KIAA0825: variants seen among roughly 807,000 people sequenced by gnomAD.
KIAA0825 encodes KIAA0825, also known as uncharacterized protein KIAA0825.
KIAA0825 carries 119 observed loss-of-function variants against 147.6 expected under a neutral mutation model. The ratio of observed to expected loss-of-function variants is 0.81; its 90% CI spans 0.69 to 0.94. The LOEUF (loss-of-function observed/expected upper bound fraction) is 0.94, where lower values mean the gene tolerates loss of function less well. KIAA0825 is among the 40% of genes least tolerant of loss of function. The pLI, the probability that KIAA0825 is intolerant of heterozygous loss-of-function variation, is 0.00. For synonymous variants in KIAA0825, 470 were observed against 518.1 expected (o/e 0.91, Z 1.26); for missense variants, 1,381 against 1,472.7 (o/e 0.94, Z 1.02).
intron 5 of KIAA0825, among the ~76,000 whole-genome samples, chr5:94,507,861 A>C (rs556698472): frequency 2.0e-5 from 3 of 152,330 alleles, no homozygotes; most frequent in African/African-American, 7.2e-5. Context: ...ATTTTGAAGT[A>C]AATTTCCAAA....
chr5:94,466,866 T>G (rs184419167), intron 10 of KIAA0825, among the ~76,000 whole-genome samples: 42 of 152,270 alleles, frequency 2.8e-4, no homozygotes, highest in Non-Finnish European at 1.5e-5. Flanking sequence ...AGAAAGGAGT[T>G]TTAACGCTTG....
chr5:94,280,045 C>A (rs774592699), intron 20 of KIAA0825, among the ~76,000 whole-genome samples: 1 of 152,030 alleles, frequency 6.6e-6, no homozygotes, highest in Non-Finnish European at 1.5e-5. Context: ...CAGCCACACT[C>A]GGTGGCCTGG....
At chr5:94,473,617 T>C (rs1409054110) in intron 7 of KIAA0825, 98 bp from the exon 8 acceptor site, 9 of 792,742 alleles carry the variant, frequency 1.1e-5, no homozygotes, top group Non-Finnish European at 1.8e-5. Flanking sequence ...TTCAACATGT[T>C]GAATATATTC....
chr5:94,492,016 A>C (rs1763791766), intron 5 of KIAA0825, among the ~76,000 whole-genome samples: 1 of 152,232 alleles, frequency 6.6e-6, no homozygotes, highest in African/African-American at 2.4e-5. Context: ...ACTATTAAGG[A>C]AACTGAGCCT....
intron 20 of KIAA0825, among the ~76,000 whole-genome samples, chr5:94,157,696 C>T (rs893349358): frequency 1.3e-5 from 2 of 152,100 alleles, no homozygotes; most frequent in Non-Finnish European, 2.9e-5. Flanking sequence ...TTTTGCTCAC[C>T]GACAATGAGA....
intron 20 of KIAA0825, among the ~76,000 whole-genome samples, chr5:94,346,174 C>T (rs1782965540): frequency 6.6e-6 from 1 of 152,024 alleles, no homozygotes; most frequent in African/African-American, 2.4e-5. Flanking sequence ...TGGTCTCCTC[C>T]CTTACTATCA....
intron 20 of KIAA0825, among the ~76,000 whole-genome samples, chr5:94,374,738 C>T (rs1332680889): frequency 2.6e-5 from 4 of 152,206 alleles, no homozygotes; most frequent in Admixed American, 6.5e-5. Context: ...AATCCTCCTT[C>T]GCCCTCACCT....
chr5:94,520,867 T>C lies in KIAA0825; in HGVS notation c.351A>G (p.Leu117=), dbSNP rs1395684642. ...TGCTGTGGCAGGAGAGGTCCCAAAG[T>C]AAATCCAATGTCATTTCTTCTTGAT... ...EQNQEEMTLD[L]LWDLSCHSSV... is the part of the protein sequence containing the mutation. Residue 117 remains leucine, a synonymous_variant, in exon 5 of 21, where the codon TTA becomes TTG. Coordinates refer to ENST00000682413, the MANE Select transcript of KIAA0825 (RefSeq NM_001145678.3). 1 of 1,610,910 alleles carries C rather than the reference T, an allele frequency of 6.2e-7. No individual in the cohort carries two copies. Among genetic ancestry groups the C allele is most frequent in the South Asian group, 1.1e-5 (1 of 90,846 alleles).
chr5:94,371,489 AG>A (rs1263127326), intron 20 of KIAA0825, among the ~76,000 whole-genome samples: 2 of 152,196 alleles, frequency 1.3e-5, no homozygotes, highest in Non-Finnish European at 2.9e-5. Context: ...TCATGATGGA[AG>A]GGGAAGCAAA....
At chr5:94,387,187 G>A (rs1471664618) in intron 18 of KIAA0825, among the ~76,000 whole-genome samples, 1 of 152,128 alleles carries the variant, frequency 6.6e-6, no homozygotes. Flanking sequence ...AAATGTTCTT[G>A]TGATGTTTCA....
At chr5:94,505,802 C>T (rs2151138809) in intron 5 of KIAA0825, among the ~76,000 whole-genome samples, 1 of 152,156 alleles carries the variant, frequency 6.6e-6, no homozygotes, top group Admixed American at 6.5e-5. Context: ...AATTTTTTTA[C>T]AAGATTTCAA....
At chr5:94,309,974 T>G (rs1431018092) in intron 20 of KIAA0825, among the ~76,000 whole-genome samples, 2 of 151,756 alleles carry the variant, frequency 1.3e-5, no homozygotes, top group East Asian at 3.9e-4. Flanking sequence ...TCTTCCCATA[T>G]TTTAACTCAC....
intron 20 of KIAA0825, among the ~76,000 whole-genome samples, chr5:94,287,996 C>G (rs1435188705): frequency 6.6e-6 from 1 of 152,084 alleles, no homozygotes; most frequent in Non-Finnish European, 1.5e-5. Context: ...TCAACTTTAA[C>G]CAAAATTCCA....
intron 5 of KIAA0825, among the ~76,000 whole-genome samples, chr5:94,509,367 T>C (rs577159831): frequency 6.6e-6 from 1 of 152,344 alleles, no homozygotes; most frequent in South Asian, 2.1e-4. Context: ...CTAAATTTCC[T>C]ATTTAGTAGC....
Position 94,471,501 on chromosome 5 carries a change from C to T in KIAA0825, c.1686G>A (p.Lys562=). The T allele has an allele frequency of 6.4e-7, 1 of 1,552,072 alleles. No individual in the cohort carries two copies. The highest frequency in any genetic ancestry group is 8.7e-7 in the Non-Finnish European group (1 of 1,147,066). Residue 562 remains lysine, a synonymous_variant, in exon 9 of 21, where the codon AAG becomes AAA. Transcript: ENST00000682413. ...TTTCCTTCATCAAATTATCATATCG[C>T]TTGAAATGCTGGAAGACATACACCG... is the stretch of plus-strand genomic sequence containing the variant. ...STAVYVFQHF[K]RYDNLMKEMT...
chr5:94,493,439 C>G (rs1020317111), intron 5 of KIAA0825, among the ~76,000 whole-genome samples: 2 of 152,104 alleles, frequency 1.3e-5, no homozygotes, highest in Non-Finnish European at 2.9e-5. Context: ...ACATGACAAC[C>G]AAAATATGTA....
intron 20 of KIAA0825, among the ~76,000 whole-genome samples, chr5:94,263,101 G>A (rs1583983354): frequency 6.6e-6 from 1 of 152,066 alleles, no homozygotes; most frequent in Admixed American, 6.6e-5. Context: ...GGGTGGTTTT[G>A]TTAGGTTCTA....
At chr5:94,469,883 T>C (rs1761008332) in intron 10 of KIAA0825, 78 bp downstream of exon 10, 3 of 1,200,470 alleles carry the variant, frequency 2.5e-6, no homozygotes, top group Non-Finnish European at 3.4e-6. Context: ...CAAGCTCATG[T>C]TTCTAATTAG....
rs187726177 is a variant in KIAA0825 at position 94,542,320 on chromosome 5, T to C, written c.-1-5193A>G. On this transcript the variant is annotated intron_variant, in intron 2 of 20. Transcript: ENST00000682413. ...TTGGCTTAAAATGTTGCTGATCTTT[T>C]GTTTTGTTTTTCAGAATCAAGAAAA... is the stretch of plus-strand genomic sequence containing the variant. 2.1e-3 allele frequency among the ~76,000 whole-genome samples: 316 copies of C among 152,336 alleles called. 1 individual carries two copies. The highest frequency in any genetic ancestry group is 7.4e-3 in the African/African-American group (307 of 41,576).
Sources: allele counts gnomAD v4.1 joint callset (sites outside exome capture counted in the v4.1 genomes callset), GRCh38; gene constraint gnomAD v4.1.1; transcripts MANE v1.5; gene names NCBI Gene and HGNC (gene_info 2026-07-23, HGNC 2026-07-21).